Variants in PPP4R4 observed in about 807,000 individuals in gnomAD.
The protein encoded by PPP4R4 is protein phosphatase 4 regulatory subunit 4, also known as serine/threonine-protein phosphatase 4 regulatory subunit 4.
Under a neutral mutation model 121.8 loss-of-function variants are expected in PPP4R4, and 70 were observed. The ratio of observed to expected loss-of-function variants is 0.57; its 90% CI spans 0.47 to 0.70. PPP4R4 has a LOEUF of 0.70. PPP4R4 is among the 30% of genes least tolerant of loss of function. PPP4R4 has a pLI of 0.00. For synonymous variants in PPP4R4, 348 were observed against 355.7 expected, an observed-to-expected ratio of 0.98 and a Z score of 0.24; for missense variants, 875 against 1,033.6, an observed-to-expected ratio of 0.85 and a Z score of 2.10.
rs728102 is a variant in PPP4R4, at chr14:94,252,011, G to A, written c.1865+115G>A. ...AAAAACTTAAGTCAAGAATTTACAC[G>A]TGCTTTGAAATTCTTAGTATTCATA... is the stretch of plus-strand genomic sequence containing the variant. On this transcript the variant is annotated intron_variant, in intron 16 of 24. Transcript: ENST00000304338. 4.4e-4 allele frequency: 392 copies of A among 884,472 alleles called. 2 individuals are homozygous for A. The African/African-American group carries it at 6.2e-3, about 14-fold the overall frequency. The allele number at this position is 884,472 out of a possible 1,614,324, so 54.8% of individuals were successfully genotyped here. A position where few individuals can be genotyped will look rare whatever the true frequency, so the allele number is the denominator to read the frequency against.
At chr14:94,254,673 A>G (rs936276495) in intron 16 of PPP4R4, among the ~76,000 whole-genome samples, 2 of 152,206 alleles carry the variant, frequency 1.3e-5, no homozygotes, top group Non-Finnish European at 2.9e-5. Flanking sequence ...AAAAAATAAT[A>G]ATTTGTAGAG....
At chr14:94,226,379 A>G (rs143464792) in intron 3 of PPP4R4, among the ~76,000 whole-genome samples, 2 of 152,234 alleles carry the variant, frequency 1.3e-5, no homozygotes, top group East Asian at 3.9e-4. Context: ...GGTAAAACAT[A>G]TCTCCCTTTG....
At chr14:94,213,515 A>G (rs988056747) in intron 3 of PPP4R4, among the ~76,000 whole-genome samples, 3 of 152,208 alleles carry the variant, frequency 2.0e-5, no homozygotes, top group Non-Finnish European at 4.4e-5. Flanking sequence ...CTTATTTGGA[A>G]AAGGGGTCTT....
At chr14:94,246,619 ATAG>A in intron 14 of PPP4R4, 80 bp downstream of exon 14, 1 of 1,405,978 alleles carries the variant, frequency 7.1e-7, no homozygotes, top group South Asian at 1.4e-5. Context: ...TATTTTCAAA[ATAG>A]TAGAACAAAC....
chr14:94,258,043 T>A (rs1226167400), intron 17 of PPP4R4, among the ~76,000 whole-genome samples: 3 of 152,166 alleles, frequency 2.0e-5, no homozygotes, highest in Non-Finnish European at 2.9e-5. Flanking sequence ...AGTTTTATAA[T>A]ATGAGAAGTA....
chr14:94,174,471 TCCG>T lies in PPP4R4; in HGVS notation c.15_17del (p.Pro6del), dbSNP rs1300209387. On this transcript the variant is annotated inframe_deletion, in exon 1 of 25. Coordinates refer to ENST00000304338, the MANE Select transcript of PPP4R4 (RefSeq NM_058237.2). ...GCGAGAGTGCCCGGCGGTCCATGCATCCGCCGCCGCCCGCCGCCGCGATGGATT... is the reference window on the plus strand; with the variant it reads ...GCGAGAGTGCCCGGCGGTCCATGCATCCGCCGCCCGCCGCCGCGATGGATT... 1 of 1,601,948 alleles carries T rather than the reference TCCG, an allele frequency of 6.2e-7. No homozygotes were observed. The highest frequency in any genetic ancestry group is 8.5e-7 in the Non-Finnish European group (1 of 1,175,558).
intron 23 of PPP4R4, among the ~76,000 whole-genome samples, chr14:94,269,261 G>T (rs1020651734): frequency 3.3e-5 from 5 of 152,158 alleles, no homozygotes; most frequent in Admixed American, 3.3e-4. Flanking sequence ...GATGTGTATA[G>T]AATAACATTC....
intron 3 of PPP4R4, among the ~76,000 whole-genome samples, chr14:94,226,165 T>C (rs959754711): frequency 1.3e-5 from 2 of 152,222 alleles, no homozygotes; most frequent in Admixed American, 1.3e-4. Flanking sequence ...GTACTGCAGC[T>C]GGAAGGCTCA....
chr14:94,254,085 C>T (rs1007224385), intron 16 of PPP4R4, among the ~76,000 whole-genome samples: 1 of 152,118 alleles, frequency 6.6e-6, no homozygotes. Flanking sequence ...TTCTGAGGTA[C>T]AAATAACTGA....
At chr14:94,217,846 T>A (rs1595484876) in intron 3 of PPP4R4, among the ~76,000 whole-genome samples, 1 of 151,980 alleles carries the variant, frequency 6.6e-6, no homozygotes, top group Non-Finnish European at 1.5e-5. Context: ...AATACAAAAT[T>A]AGCCAGGCGT....
chr14:94,233,872 T>G (rs2139541746), intron 6 of PPP4R4, 113 bp downstream of exon 6: 1 of 685,746 alleles, frequency 1.5e-6, no homozygotes, highest in East Asian at 3.1e-5. Flanking sequence ...TTTAGTTATC[T>G]TAACTATTTT....
chr14:94,259,289 A>G lies in PPP4R4; in HGVS notation c.2053-6A>G. 7 of 1,600,100 alleles carry G rather than the reference A, an allele frequency of 4.4e-6. No individual in the cohort carries two copies. Among genetic ancestry groups the G allele is most frequent in the Middle Eastern group, 1.7e-4 (1 of 6,018 alleles). Reference sequence around the variant, plus strand: ...GTTTCACAATTTCATTTTAAACTTTAAACAGTTTCAGAAAAAGTTTTATGA... The same window carrying G: ...GTTTCACAATTTCATTTTAAACTTTGAACAGTTTCAGAAAAAGTTTTATGA... On this transcript the variant is annotated splice_polypyrimidine_tract_variant and splice_region_variant and intron_variant, in intron 18 of 24. Transcript: ENST00000304338.
intron 7 of PPP4R4, among the ~76,000 whole-genome samples, chr14:94,236,296 T>C (rs1397748291): frequency 6.6e-6 from 1 of 152,228 alleles, no homozygotes; most frequent in Non-Finnish European, 1.5e-5. Flanking sequence ...TAACTTTTAC[T>C]ATAGAGATGA....
chr14:94,222,022 T>G (rs1016618532), intron 3 of PPP4R4, among the ~76,000 whole-genome samples: 1 of 152,042 alleles, frequency 6.6e-6, no homozygotes, highest in Admixed American at 6.5e-5. Flanking sequence ...CATATTCTGG[T>G]TATGTGTTGA....
At position 94,250,313 on chromosome 14, in the gene PPP4R4, A is replaced by G. The variant is rs376241414; in HGVS notation, c.1717+36A>G. The G allele has an allele frequency of 1.5e-4, 212 of 1,449,644 alleles. No homozygotes were observed. The Middle Eastern group carries it at 3.2e-3, about 22-fold the overall frequency. The allele number at this position is 1,449,644 out of a possible 1,614,324, so 89.8% of individuals were successfully genotyped here. On this transcript the variant is annotated intron_variant, in intron 15 of 24. Coordinates refer to ENST00000304338, the MANE Select transcript of PPP4R4 (RefSeq NM_058237.2). ...ATTGTCTACTATTTTGAAAAAGGAA[A>G]GTAAACAAACTAGTTGGCTTTAGTT...
chr14:94,278,793 C>T lies in PPP4R4; in HGVS notation c.*150C>T. The T allele has an allele frequency of 1.7e-6, 1 of 595,922 alleles. No homozygotes were observed. The highest frequency in any genetic ancestry group is 3.4e-5 in the Admixed American group (1 of 29,114). 36.9% of individuals were successfully genotyped at this position (595,922 alleles called of 1,614,324 possible). On this transcript the variant is annotated 3_prime_UTR_variant, in exon 25 of 25. Transcript: ENST00000304338. ...ATGAGCAGAAAGAGAGACATAATGACAGCTGATGTTAAACTTTTCATATTT... is the reference window on the plus strand; with the variant it reads ...ATGAGCAGAAAGAGAGACATAATGATAGCTGATGTTAAACTTTTCATATTT...
In PPP4R4 at chr14:94,256,572, A is replaced by G; in HGVS notation, c.1978A>G (p.Lys660Glu). Residue 660 changes from lysine to glutamate, a missense_variant, in exon 17 of 25, where the codon AAA (lysine) becomes GAA (glutamate). Transcript: ENST00000304338. ...MCVRKLLCQE[K>E]DKDVLAIVKR... ...TGTGAGGAAACTCCTGTGTCAAGAAAAAGATAAAGATGTTCTGGCTATTGT... is the reference window on the plus strand; with the variant it reads ...TGTGAGGAAACTCCTGTGTCAAGAAGAAGATAAAGATGTTCTGGCTATTGT... The G allele has an allele frequency of 6.2e-7, 1 of 1,607,402 alleles. No individual in the cohort carries two copies. The highest frequency in any genetic ancestry group is 8.5e-7 in the Non-Finnish European group (1 of 1,174,814).
intron 6 of PPP4R4, 107 bp from the exon 7 acceptor site, chr14:94,234,455 G>A: frequency 1.5e-6 from 1 of 680,838 alleles, no homozygotes; most frequent in South Asian, 2.0e-5. Flanking sequence ...TTCTATTAAA[G>A]TACATTTGTT....
chr14:94,218,705 G>A (rs10134915), intron 3 of PPP4R4, among the ~76,000 whole-genome samples: 36,009 of 94,204 alleles, frequency 0.38, 6,218 homozygotes, highest in Middle Eastern at 0.56. Context: ...GCGCGCGCGC[G>A]CACACACCCT....
Sources: allele counts gnomAD v4.1 joint callset (sites outside exome capture counted in the v4.1 genomes callset), GRCh38; gene constraint gnomAD v4.1.1; transcripts MANE v1.5; gene names NCBI Gene and HGNC (gene_info 2026-07-23, HGNC 2026-07-21).